Variants in POGLUT3 observed in about 807,000 individuals in gnomAD.
POGLUT3 encodes KDEL (Lys-Asp-Glu-Leu) containing 2.
Under a neutral mutation model 54.3 loss-of-function variants are expected in POGLUT3, and 48 were observed. The ratio of observed to expected loss-of-function variants is 0.88; its 90% CI spans 0.70 to 1.12. The LOEUF (loss-of-function observed/expected upper bound fraction) is 1.12. Among genes scored for constraint, POGLUT3 ranks in the 50% most tolerant of loss-of-function variants. The pLI, the probability that POGLUT3 is intolerant of heterozygous loss-of-function variation, is 0.00. For missense variants in POGLUT3, 629 were observed against 618.7 expected (o/e 1.02, Z -0.18); for synonymous variants, 218 against 237.4 (o/e 0.92, Z 0.75).
At chr11:108,482,525 G>A (rs920769944) in intron 3 of POGLUT3, among the ~76,000 whole-genome samples, 5 of 152,042 alleles carry the variant, frequency 3.3e-5, no homozygotes, top group Non-Finnish European at 7.4e-5. Context: ...AGGTTGAGGC[G>A]AGTGGATCGT....
intron 5 of POGLUT3, among the ~76,000 whole-genome samples, 157 bp downstream of exon 5, chr11:108,481,023 C>A (rs1427841918): frequency 5.3e-5 from 8 of 152,096 alleles, no homozygotes; most frequent in African/African-American, 1.7e-4. Flanking sequence ...AGAAGGAAAC[C>A]ACAATGGGTT....
At chr11:108,498,107 G>GGCGGGGACGC (rs986562447) in intron 1 of POGLUT3, 58 bp downstream of exon 1, 1 of 1,417,372 alleles carries the variant, frequency 7.1e-7, no homozygotes, top group African/African-American at 1.5e-5. Context: ...ACTCCCGGGC[G>GGCGGGGACGC]GCGGGGACGC....
At chr11:108,497,897 G>A (rs2093625086) in intron 1 of POGLUT3, among the ~76,000 whole-genome samples, 1 of 152,232 alleles carries the variant, frequency 6.6e-6, no homozygotes, top group African/African-American at 2.4e-5. Context: ...TGTAACGCCC[G>A]GGCGCCGTCC....
chr11:108,479,458 G>A lies in POGLUT3; in HGVS notation c.1136C>T (p.Ala379Val), dbSNP rs1323156889. ...CAGCATGAGATATGGATATCTGTAA[G>A]CAGCCACGGTCCCATCCACATTTAC... ...YQVNVDGTVA[A>V]YRYPYLMLGD... Residue 379 changes from alanine to valine, a missense_variant, in exon 6 of 8, where the codon GCT (alanine) becomes GTT (valine). By Grantham distance (64) the Ala-to-Val change is moderately conservative. Coordinates refer to ENST00000323468, the MANE Select transcript of POGLUT3 (RefSeq NM_153705.5). 6 of 1,609,998 alleles carry A rather than the reference G, an allele frequency of 3.7e-6. No homozygotes were observed. The Admixed American group carries it at 1.0e-4, about 28-fold the overall frequency.
chr11:108,481,145 G>A (rs900675896), intron 5 of POGLUT3, 35 bp downstream of exon 5: 19 of 1,489,806 alleles, frequency 1.3e-5, no homozygotes, highest in East Asian at 9.6e-5. Flanking sequence ...CAATTTTATC[G>A]CTTCATATCC....
rs1226921113 is a variant in POGLUT3, at chr11:108,486,280, C to G, written c.561G>C (p.Gly187=). 6.2e-7 allele frequency: 1 copy of G among 1,613,958 alleles called. No homozygotes were observed. Among genetic ancestry groups the G allele is most frequent in the African/African-American group, 1.3e-5 (1 of 74,872 alleles). ...AATGAACAATGGCACCTCTCTCATC[C>G]CCAAACCTTTTGGGGACTTCTTTTA... ...QMLKEVPKRF[G]DERGAIVHYT... Residue 187 remains glycine (G), a synonymous_variant, in exon 3 of 8, where the codon GGG becomes GGC. Coordinates refer to ENST00000323468, the MANE Select transcript of POGLUT3 (RefSeq NM_153705.5).
At chr11:108,476,324 G>A (rs960910052) in intron 7 of POGLUT3, among the ~76,000 whole-genome samples, 25 of 152,100 alleles carry the variant, frequency 1.6e-4, no homozygotes, top group Non-Finnish European at 2.8e-4. Context: ...GTAGAGACGG[G>A]GTTTGACCAT....
intron 1 of POGLUT3, among the ~76,000 whole-genome samples, chr11:108,496,047 T>A (rs1161910534): frequency 2.0e-5 from 3 of 152,260 alleles, no homozygotes; most frequent in Non-Finnish European, 2.9e-5. Flanking sequence ...CTTTAAGTCA[T>A]GTATCATTTG....
rs969863618 is a variant in POGLUT3 at position 108,481,320 on chromosome 11, C to T, written c.958G>A (p.Glu320Lys). The change falls in exon 5 of 8, where the codon GAG becomes AAG. Residue 320 changes from glutamate to lysine, a missense_variant. Glu to Lys is a moderately conservative substitution (Grantham distance 56, BLOSUM62 1). Transcript: ENST00000323468. ...RAFFRGRDSR[E>K]ERLQLVQLSK... is the part of the protein sequence containing the mutation. ...AGCTGTACCAACTGGAGCCTCTCCT[C>T]TCGGCTGTCTCTACCTCTGAAGAAA... 1.9e-6 allele frequency: 3 copies of T among 1,611,490 alleles called. No individual in the cohort carries two copies. Among genetic ancestry groups the T allele is most frequent in the Non-Finnish European group, 2.5e-6 (3 of 1,179,246 alleles).
At position 108,477,686 on chromosome 11, in the gene POGLUT3, A is replaced by G. The variant is rs771115395; in HGVS notation, c.1319T>C (p.Ile440Thr). ...AKENDEEAKKIAKEGQLMARD... is the reference protein window; with the variant it reads ...AKENDEEAKKTAKEGQLMARD... ...AGCCATCAACTGTCCTTCTTTTGCA[A>G]TCTTCTTGGCTTCTTCATCATTTTC... The change falls in exon 7 of 8, where the codon ATT becomes ACT. Residue 440 changes from isoleucine to threonine, a missense_variant. Ile to Thr is a moderately conservative substitution (Grantham distance 89, BLOSUM62 -1). Coordinates refer to ENST00000323468, the MANE Select transcript of POGLUT3 (RefSeq NM_153705.5). 6.2e-7 allele frequency: 1 copy of G among 1,612,540 alleles called. No homozygotes were observed. Among genetic ancestry groups the G allele is most frequent in the South Asian group, 1.1e-5 (1 of 91,022 alleles).
chr11:108,491,227 G>T, intron 1 of POGLUT3, 60 bp from the exon 2 acceptor site: 2 of 1,337,092 alleles, frequency 1.5e-6, no homozygotes, highest in Admixed American at 1.8e-5. Flanking sequence ...TACAATTATT[G>T]GATAGGTGTT....
intron 2 of POGLUT3, among the ~76,000 whole-genome samples, chr11:108,489,687 C>T (rs113702870): frequency 0.01 from 1,523 of 152,022 alleles, 21 homozygotes; most frequent in African/African-American, 0.034. Flanking sequence ...TTTGGGGAGC[C>T]GAGGCAGGGG....
At chr11:108,474,997 C>T in intron 7 of POGLUT3, 45 bp from the exon 8 acceptor site, 7 of 1,601,328 alleles carry the variant, frequency 4.4e-6, no homozygotes, top group African/African-American at 1.3e-5. Flanking sequence ...GTTCACACTG[C>T]ATTCTGTTGA....
At chr11:108,486,086 T>C in intron 3 of POGLUT3, 71 bp downstream of exon 3, 1 of 1,254,122 alleles carries the variant, frequency 8.0e-7, no homozygotes, top group Non-Finnish European at 1.1e-6. Flanking sequence ...TCCTTTGTCA[T>C]TATAATTCTA....
intron 3 of POGLUT3, 45 bp downstream of exon 3, chr11:108,486,112 T>C (rs570487300): frequency 7.1e-7 from 1 of 1,404,244 alleles, no homozygotes; most frequent in South Asian, 1.2e-5. Flanking sequence ...TTAAATGTTA[T>C]ACCTAAATAA....
intron 1 of POGLUT3, 96 bp downstream of exon 1, chr11:108,498,069 G>C: frequency 9.2e-7 from 1 of 1,092,888 alleles, no homozygotes; most frequent in Non-Finnish European, 1.2e-6. Context: ...CACACGCCGG[G>C]GAGGGACGCC....
At chr11:108,487,338 G>T (rs1043151744) in intron 2 of POGLUT3, among the ~76,000 whole-genome samples, 1 of 151,556 alleles carries the variant, frequency 6.6e-6, no homozygotes, top group Non-Finnish European at 1.5e-5. Context: ...TGATCACCTT[G>T]AGCACAGGTT....
chr11:108,491,278 G>A, intron 1 of POGLUT3, 111 bp from the exon 2 acceptor site: 1 of 816,842 alleles, frequency 1.2e-6, no homozygotes. Flanking sequence ...TGCAGCATTG[G>A]TGGTTAAAAA....
intron 6 of POGLUT3, chr11:108,478,149 A>AAAATAAATAAAT (rs533274288): frequency 2.8e-4 from 42 of 152,540 alleles, no homozygotes; most frequent in Middle Eastern, 3.4e-3. Flanking sequence ...CTCTGTCTCA[A>AAAATAAATAAAT]AAATAAATAA....
Sources: allele counts gnomAD v4.1 joint callset (sites outside exome capture counted in the v4.1 genomes callset), GRCh38; gene constraint gnomAD v4.1.1; transcripts MANE v1.5; gene names NCBI Gene and HGNC (gene_info 2026-07-23, HGNC 2026-07-21).